Variants in SLCO1C1 observed in about 807,000 individuals in gnomAD.
SLCO1C1 encodes the protein solute carrier organic anion transporter family member 1C1.
A neutral mutation model predicts 76.4 loss-of-function variants in SLCO1C1; 70 were observed. That is an observed-to-expected ratio of 0.92 (90% CI 0.76 to 1.12). The LOEUF is 1.12. Among genes scored for constraint, SLCO1C1 ranks in the 50% most tolerant of loss-of-function variants. The pLI is 0.00. For missense variants in SLCO1C1, 912 were observed against 823.8 expected, an observed-to-expected ratio of 1.11 and a Z score of -1.31; for synonymous variants, 306 against 286.1, an observed-to-expected ratio of 1.07 and a Z score of -0.70.
chr12:20,735,242 G>T (rs889670955), intron 10 of SLCO1C1, among the ~76,000 whole-genome samples: 2 of 152,188 alleles, frequency 1.3e-5, no homozygotes, highest in Non-Finnish European at 2.9e-5. Context: ...TCTTAGATAT[G>T]ATAATGGAAG....
In SLCO1C1 at chr12:20,722,056, C is replaced by A; in HGVS notation, c.1021+7C>A. 1.2e-6 allele frequency: 2 copies of A among 1,608,710 alleles called. No individual in the cohort carries two copies. The highest frequency in any genetic ancestry group is 2.2e-5 in the South Asian group (2 of 90,546). Reference sequence around the variant, plus strand: ...ATAATGGAAATGGCAAGAGGTAAGTCAAATTCTTGATTTTGAAGTATTTTC... The same window carrying A: ...ATAATGGAAATGGCAAGAGGTAAGTAAAATTCTTGATTTTGAAGTATTTTC... On this transcript the variant is annotated splice_region_variant and intron_variant, in intron 8 of 14. Coordinates refer to ENST00000266509, the MANE Select transcript of SLCO1C1 (RefSeq NM_017435.5).
intron 13 of SLCO1C1, among the ~76,000 whole-genome samples, chr12:20,744,188 T>C (rs1335035129): frequency 1.3e-5 from 2 of 152,048 alleles, no homozygotes; most frequent in African/African-American, 4.8e-5. Context: ...TCTAATTCTA[T>C]AATGAAATAT....
intron 3 of SLCO1C1, among the ~76,000 whole-genome samples, chr12:20,703,264 C>T (rs73085040): frequency 1.1e-3 from 162 of 151,918 alleles, no homozygotes; most frequent in African/African-American, 3.8e-3. Flanking sequence ...TATCATCCTC[C>T]GTCTTTATGT....
At chr12:20,717,338 G>A in intron 7 of SLCO1C1, 108 bp downstream of exon 7, 1 of 793,760 alleles carries the variant, frequency 1.3e-6, no homozygotes, top group Non-Finnish European at 1.9e-6. Flanking sequence ...TGATGGAGTT[G>A]TAATCTTTCA....
At chr12:20,711,568 G>C (rs1947103673) in intron 5 of SLCO1C1, 58 bp downstream of exon 5, 1 of 1,560,576 alleles carries the variant, frequency 6.4e-7, no homozygotes, top group African/African-American at 1.4e-5. Context: ...CTTTATATGT[G>C]CTTTAGGATG....
intron 13 of SLCO1C1, among the ~76,000 whole-genome samples, chr12:20,745,554 G>A (rs944445124): frequency 6.6e-6 from 1 of 152,140 alleles, no homozygotes; most frequent in Non-Finnish European, 1.5e-5. Context: ...GCTGGGTGCG[G>A]TGGCTCATGC....
intron 4 of SLCO1C1, among the ~76,000 whole-genome samples, chr12:20,706,760 C>G (rs1426151232): frequency 1.3e-5 from 2 of 152,056 alleles, no homozygotes; most frequent in East Asian, 3.9e-4. Context: ...ATTTAGGTGT[C>G]TTGTAATTAT....
chr12:20,736,375 C>T (rs1018034333), intron 10 of SLCO1C1, among the ~76,000 whole-genome samples: 1 of 151,452 alleles, frequency 6.6e-6, no homozygotes, highest in African/African-American at 2.4e-5. Flanking sequence ...ATGTTTGTAA[C>T]CATCTCCTAT....
chr12:20,735,623 C>T (rs1425996847), intron 10 of SLCO1C1, among the ~76,000 whole-genome samples: 1 of 152,118 alleles, frequency 6.6e-6, no homozygotes, highest in Non-Finnish European at 1.5e-5. Flanking sequence ...AGGCCTAGTT[C>T]AGTACCCTTT....
At chr12:20,706,374 T>C (rs1482414998) in intron 4 of SLCO1C1, among the ~76,000 whole-genome samples, 1 of 152,080 alleles carries the variant, frequency 6.6e-6, no homozygotes, top group Non-Finnish European at 1.5e-5. Context: ...AATATATAAT[T>C]GAAAATAAAT....
At chr12:20,709,169 A>G (rs963816983) in intron 4 of SLCO1C1, among the ~76,000 whole-genome samples, 24 of 152,320 alleles carry the variant, frequency 1.6e-4, no homozygotes, top group African/African-American at 5.5e-4. Context: ...AACCCCTAAT[A>G]TAAAAGCATT....
intron 11 of SLCO1C1, 90 bp from the exon 12 acceptor site, chr12:20,740,094 C>T (rs1006176819): frequency 8.0e-7 from 1 of 1,245,964 alleles, no homozygotes; most frequent in African/African-American, 1.5e-5. Flanking sequence ...TTACATAATG[C>T]ATGGCTACGG....
At chr12:20,701,203 TTGA>T in intron 2 of SLCO1C1, 112 bp from the exon 3 acceptor site, 1 of 1,049,044 alleles carries the variant, frequency 9.5e-7, no homozygotes. Flanking sequence ...GATAATAAAG[TTGA>T]TATTATACAT....
intron 5 of SLCO1C1, among the ~76,000 whole-genome samples, chr12:20,714,401 T>C (rs1034500512): frequency 1.3e-5 from 2 of 152,160 alleles, no homozygotes; most frequent in South Asian, 2.1e-4. Flanking sequence ...ATTTATGATA[T>C]GGGGGTAATT....
Position 20,695,509 on chromosome 12 carries a change from A to T in SLCO1C1, c.-324A>T, listed in dbSNP as rs1361270604. 6.6e-6 allele frequency: 1 copy of T among 152,152 alleles called. No homozygotes were observed. The highest frequency in any genetic ancestry group is 1.5e-5 in the Non-Finnish European group (1 of 68,040). The allele number at this position is 152,152 out of a possible 1,614,324, so 9.4% of individuals were successfully genotyped here. On this transcript the variant is annotated 5_prime_UTR_variant, in exon 1 of 15. Coordinates refer to ENST00000266509, the MANE Select transcript of SLCO1C1 (RefSeq NM_017435.5). ...GCTTCAGCTCTTTCTGTGCCCTGGG[A>T]GCTGAGATGCACGTCAGTGGCCTTG...
chr12:20,723,029 C>T (rs1158173701), intron 8 of SLCO1C1, 61 bp from the exon 9 acceptor site: 2 of 1,471,478 alleles, frequency 1.4e-6, no homozygotes, highest in Non-Finnish European at 1.9e-6. Flanking sequence ...GCCAGCACGG[C>T]TACTTCTTCT....
At chr12:20,719,330 A>C (rs139002017) in intron 7 of SLCO1C1, among the ~76,000 whole-genome samples, 76 of 152,218 alleles carry the variant, frequency 5.0e-4, no homozygotes, top group Non-Finnish European at 8.5e-4. Context: ...AATAATATTG[A>C]AATTAGGCCA....
chr12:20,726,298 A>G (rs1028024836), intron 9 of SLCO1C1, among the ~76,000 whole-genome samples: 5 of 151,686 alleles, frequency 3.3e-5, no homozygotes, highest in Non-Finnish European at 7.4e-5. Flanking sequence ...TTCCTGCAAT[A>G]AAATATGAGA....
intron 10 of SLCO1C1, among the ~76,000 whole-genome samples, chr12:20,734,984 A>G (rs895782775): frequency 1.3e-5 from 2 of 152,354 alleles, no homozygotes; most frequent in South Asian, 4.1e-4. Context: ...TCATTTGGGC[A>G]TAAACATTCT....
Sources: gnomAD v4.1 joint callset for allele counts (sites outside exome capture counted in the v4.1 genomes callset) on GRCh38, gnomAD v4.1.1 for gene constraint, MANE v1.5 for transcripts, NCBI Gene and HGNC (gene_info 2026-07-23, HGNC 2026-07-21) for gene names.